The following SERPINB1 variants were observed in gnomAD, a reference collection of about 807,000 sequenced individuals.
SERPINB1 encodes the protein serpin family B member 1.
A neutral mutation model predicts 25.9 loss-of-function variants in SERPINB1; 23 were observed. The observed-to-expected ratio is 0.89, with a 90% CI of 0.64 to 1.26. SERPINB1 has a LOEUF of 1.26. SERPINB1 is among the 50% of genes most tolerant of loss of function. The pLI is 0.00. For synonymous variants in SERPINB1, 178 were observed against 178.7 expected (o/e 1.00, Z 0.03); for missense variants, 399 against 463.6 (o/e 0.86, Z 1.28).
At position 2,841,262 on chromosome 6, in the gene SERPINB1, G is replaced by A. The variant is rs1766645005; in HGVS notation, c.-9+550C>T. 6.6e-6 allele frequency: 1 copy of A among 152,140 alleles called. No homozygotes were observed. Among genetic ancestry groups the A allele is most frequent in the Non-Finnish European group, 1.5e-5 (1 of 68,096 alleles). 9.4% of individuals were successfully genotyped at this position (152,140 alleles called of 1,614,324 possible). The stretch of plus-strand genomic sequence containing the variant: ...GCAGCGTCCCATCCGCCACCCACTA[G>A]CCCATCTCGATCTCCACTCTCAGAG... On this transcript the variant is annotated intron_variant, in intron 1 of 6. Coordinates refer to ENST00000380739, the MANE Select transcript of SERPINB1 (RefSeq NM_030666.4). The surrounding 1 kb of genome is among the most constrained non-coding windows in gnomAD (Gnocchi z 4.5).
rs373833250 is a variant in SERPINB1 at position 2,832,532 on chromosome 6, C to T, written c.*1076G>A. ...TCAGAAAACACATGAGAAGGCCAGGCATGGTAGCTCATGCCTGTAATCCCA... is the reference window on the plus strand; with the variant it reads ...TCAGAAAACACATGAGAAGGCCAGGTATGGTAGCTCATGCCTGTAATCCCA... On this transcript the variant is annotated 3_prime_UTR_variant, in exon 7 of 7. Transcript: ENST00000380739. 6.6e-6 allele frequency: 1 copy of T among 152,462 alleles called. No homozygotes were observed. Among genetic ancestry groups the T allele is most frequent in the South Asian group, 2.1e-4 (1 of 4,840 alleles). The allele number at this position is 152,462 out of a possible 1,614,324, so 9.4% of individuals were successfully genotyped here.
chr6:2,839,383 G>T, intron 2 of SERPINB1: 1 of 984,936 alleles, frequency 1.0e-6, no homozygotes, highest in Non-Finnish European at 1.2e-6. Flanking sequence ...TGCTTTAATG[G>T]AAATGGGGGA....
Position 2,835,964 on chromosome 6 carries a change from G to T in SERPINB1, c.627C>A (p.Ile209=), listed in dbSNP as rs373748711. 1.2e-6 allele frequency: 2 copies of T among 1,614,126 alleles called. No homozygotes were observed. Among genetic ancestry groups the T allele is most frequent in the Admixed American group, 1.7e-5 (1 of 60,030 alleles). The change falls in exon 6 of 7, where the codon ATC becomes ATA. Residue 209 remains isoleucine (I), a synonymous_variant. Coordinates refer to ENST00000380739, the MANE Select transcript of SERPINB1 (RefSeq NM_030666.4). The part of the protein sequence containing the change: ...YQKKKFAYGY[I]EDLKCRVLEL... ...CCAGCACACGGCACTTAAGGTCCTC[G>T]ATGTAGCCATATGCAAATTTTTTCT...
rs1400764116 is a variant in SERPINB1 at position 2,837,775 on chromosome 6, C to T, written c.424+107G>A. On this transcript the variant is annotated intron_variant, in intron 4 of 6. Transcript: ENST00000380739. This position sits in a 1 kb window ranked among gnomAD's most constrained non-coding sequence, Gnocchi z 4.3. ...CTCTGACTGTAACCACGATGTGCGC[C>T]AGGACTGTGGGAGCTGGGGAGGGAA... The T allele has an allele frequency of 3.6e-6, 3 of 837,416 alleles. No homozygotes were observed. The African/African-American group carries it at 5.0e-5, about 14-fold the overall frequency. 51.9% of individuals were successfully genotyped at this position (837,416 alleles called of 1,614,324 possible).
At chr6:2,840,725 C>T (rs1766623596) in intron 1 of SERPINB1, 131 bp from the exon 2 acceptor site, 2 of 815,440 alleles carry the variant, frequency 2.5e-6, no homozygotes, top group Non-Finnish European at 3.7e-6. Flanking sequence ...ACTTTCTCCC[C>T]GCTTTTTTAT....
chr6:2,833,528 T>C lies in SERPINB1; in HGVS notation c.*80A>G, dbSNP rs1309783322. The C allele has an allele frequency of 2.3e-6, 3 of 1,280,626 alleles. No individual in the cohort carries two copies. Among genetic ancestry groups the C allele is most frequent in the African/African-American group, 1.5e-5 (1 of 66,518 alleles). The allele number at this position is 1,280,626 out of a possible 1,614,324, so 79.3% of individuals were successfully genotyped here. ...TGAACAGTGGTTTTATTGGTAAAGA[T>C]ATAAGACATATTGGCTCTATTAAAA... is the stretch of plus-strand genomic sequence containing the variant. On this transcript the variant is annotated 3_prime_UTR_variant, in exon 7 of 7. Transcript: ENST00000380739.
At chr6:2,840,651 A>T (rs1343227379) in intron 1 of SERPINB1, 57 bp from the exon 2 acceptor site, 1 of 1,496,436 alleles carries the variant, frequency 6.7e-7, no homozygotes, top group Non-Finnish European at 9.0e-7. Flanking sequence ...CAGATTAGGC[A>T]GCACTATTTC....
rs1561936677 is a variant in SERPINB1, at chr6:2,837,313, C to G, written c.424+569G>C. ...ATTTTTTTTACGACGGAGTCTCGCT[C>G]TGTTGCCTAGGCTGGAGTACAGTGG... On this transcript the variant is annotated intron_variant, in intron 4 of 6. Transcript: ENST00000380739. This position sits in a 1 kb window ranked among gnomAD's most constrained non-coding sequence, Gnocchi z 4.3. Among the ~76,000 whole-genome samples, 1 of 151,998 alleles carries G rather than the reference C, an allele frequency of 6.6e-6. No individual in the cohort carries two copies. The highest frequency in any genetic ancestry group is 1.5e-5 in the Non-Finnish European group (1 of 68,000).
chr6:2,836,788 A>C (rs920375357), intron 4 of SERPINB1, among the ~76,000 whole-genome samples: 1 of 152,142 alleles, frequency 6.6e-6, no homozygotes, highest in African/African-American at 2.4e-5. Context: ...CCAGGAGGTC[A>C]AGGCTGCAGT....
At chr6:2,839,272 G>C (rs1393989221) in intron 2 of SERPINB1, 1 of 975,722 alleles carries the variant, frequency 1.0e-6, no homozygotes, top group Admixed American at 6.2e-5. Context: ...ACCTAGGCTG[G>C]TTCCTTTATG....
rs1766518251 is a variant in SERPINB1, at chr6:2,837,287, TA to T, written c.424+594del. ...ATTTTTTATTTTTTATTATTTTTAT[TA>T]TTTTTTTTACGACGGAGTCTCGCTC... is the stretch of plus-strand genomic sequence containing the variant. On this transcript the variant is annotated intron_variant, in intron 4 of 6. Transcript: ENST00000380739. This position sits in a 1 kb window ranked among gnomAD's most constrained non-coding sequence, Gnocchi z 4.3. Among the ~76,000 whole-genome samples the T allele has an allele frequency of 6.6e-6, 1 of 152,246 alleles. No homozygotes were observed. Among genetic ancestry groups the T allele is most frequent in the African/African-American group, 2.4e-5 (1 of 41,554 alleles).
In SERPINB1 at chr6:2,836,108, C is replaced by T; in HGVS notation, c.567G>A (p.Lys189=). 6.2e-7 allele frequency: 1 copy of T among 1,613,990 alleles called. No homozygotes were observed. ...ATTNAPFRLN[K]KDRKTVKMMY... ...ACTCTGTACAGTTACCTCACCTCACCTTATTCAATCTGAATGGTGCATTCG... is the reference window on the plus strand; with the variant it reads ...ACTCTGTACAGTTACCTCACCTCACTTTATTCAATCTGAATGGTGCATTCG... The change falls in exon 5 of 7, where the codon AAG becomes AAA. Residue 189 remains lysine, a splice_region_variant and synonymous_variant. Coordinates refer to ENST00000380739, the MANE Select transcript of SERPINB1 (RefSeq NM_030666.4).
chr6:2,837,769 G>A lies in SERPINB1; in HGVS notation c.424+113C>T. 1.3e-6 allele frequency: 1 copy of A among 791,962 alleles called. No individual in the cohort carries two copies. Among genetic ancestry groups the A allele is most frequent in the Non-Finnish European group, 2.2e-6 (1 of 460,252 alleles). The allele number at this position is 791,962 out of a possible 1,614,324, so 49.1% of individuals were successfully genotyped here. ...AGCGTCCTCTGACTGTAACCACGATGTGCGCCAGGACTGTGGGAGCTGGGG... is the reference window on the plus strand; with the variant it reads ...AGCGTCCTCTGACTGTAACCACGATATGCGCCAGGACTGTGGGAGCTGGGG... On this transcript the variant is annotated intron_variant, in intron 4 of 6. Transcript: ENST00000380739. This position sits in a 1 kb window ranked among gnomAD's most constrained non-coding sequence, Gnocchi z 4.3.
At chr6:2,840,376 G>A in intron 2 of SERPINB1, 43 bp downstream of exon 2, 1 of 1,608,726 alleles carries the variant, frequency 6.2e-7, no homozygotes, top group Non-Finnish European at 8.5e-7. Flanking sequence ...CCATTCGTAG[G>A]GAGATGGGAG....
rs1336106314 is a variant in SERPINB1, at chr6:2,833,531, A to G, written c.*77T>C. ...ACAGTGGTTTTATTGGTAAAGATATAAGACATATTGGCTCTATTAAAAACT... is the reference window on the plus strand; with the variant it reads ...ACAGTGGTTTTATTGGTAAAGATATGAGACATATTGGCTCTATTAAAAACT... On this transcript the variant is annotated 3_prime_UTR_variant, in exon 7 of 7. Transcript: ENST00000380739. 1.4e-5 allele frequency: 18 copies of G among 1,299,094 alleles called. 1 individual carries two copies. In the Admixed American group the frequency reaches 1.4e-4, roughly 10 times the overall value. The allele number at this position is 1,299,094 out of a possible 1,614,324, so 80.5% of individuals were successfully genotyped here.
intron 2 of SERPINB1, chr6:2,839,214 TC>T (rs1766579468): frequency 1.7e-6 from 1 of 579,518 alleles, no homozygotes; most frequent in African/African-American, 2.0e-5. Context: ...AAAGTTTAAT[TC>T]CCCATGTATC....
chr6:2,837,849 C>G lies in SERPINB1; in HGVS notation c.424+33G>C. The G allele has an allele frequency of 6.9e-7, 1 of 1,457,016 alleles. No homozygotes were observed. Among genetic ancestry groups the G allele is most frequent in the Non-Finnish European group, 9.6e-7 (1 of 1,037,516 alleles). 90.3% of individuals were successfully genotyped at this position (1,457,016 alleles called of 1,614,324 possible). A position where few individuals can be genotyped will look rare whatever the true frequency, so the allele number is the denominator to read the frequency against. On this transcript the variant is annotated intron_variant, in intron 4 of 6. Coordinates refer to ENST00000380739, the MANE Select transcript of SERPINB1 (RefSeq NM_030666.4). This position sits in a 1 kb window ranked among gnomAD's most constrained non-coding sequence, Gnocchi z 4.3. ...CTGAGGAAACGAATGACATGACCAG[C>G]GCATAATGATTCCATTCTGCCCAGG... is the stretch of plus-strand genomic sequence containing the variant.
intron 3 of SERPINB1, among the ~76,000 whole-genome samples, 174 bp downstream of exon 3, chr6:2,838,375 T>C (rs1766554011): frequency 6.6e-6 from 1 of 152,226 alleles, no homozygotes; most frequent in Non-Finnish European, 1.5e-5. Flanking sequence ...ACCATGTCAA[T>C]TAAAGTTTGC....
rs1766530067 is a variant in SERPINB1 at position 2,837,576 on chromosome 6, T to G, written c.424+306A>C. ...GATTACAGGCATGAGCCACCGCGCC[T>G]GCCAATGTTGGTTTTAACTTTGAAA... On this transcript the variant is annotated intron_variant, in intron 4 of 6. Coordinates refer to ENST00000380739, the MANE Select transcript of SERPINB1 (RefSeq NM_030666.4). The surrounding 1 kb of genome is among the most constrained non-coding windows in gnomAD (Gnocchi z 4.3). Among the ~76,000 whole-genome samples the G allele has an allele frequency of 6.6e-6, 1 of 152,232 alleles. No homozygotes were observed. Among genetic ancestry groups the G allele is most frequent in the Non-Finnish European group, 1.5e-5 (1 of 68,030 alleles).
Sources: allele counts gnomAD v4.1 joint callset (sites outside exome capture counted in the v4.1 genomes callset), GRCh38; gene constraint gnomAD v4.1.1; non-coding constraint Gnocchi (gnomAD v3.1); transcripts MANE v1.5; gene names NCBI Gene and HGNC (gene_info 2026-07-23, HGNC 2026-07-21).